Variants in NCALD observed in about 807,000 individuals in gnomAD.
The protein encoded by NCALD is neurocalcin delta, also known as neurocalcin-delta.
A neutral mutation model predicts 18.6 loss-of-function variants in NCALD; 10 were observed. The observed-to-expected ratio is 0.54, with a 90% CI of 0.33 to 0.91. The LOEUF (loss-of-function observed/expected upper bound fraction) is 0.91. Among genes scored for constraint, NCALD ranks in the 40% least tolerant of loss-of-function variants. The probability of loss-of-function intolerance (pLI) is 0.03; values close to 1 mark genes in which losing one functional copy is unlikely to be tolerated. For missense variants in NCALD, 184 were observed against 247.6 expected (o/e 0.74, Z 1.72); for synonymous variants, 88 against 87.4 (o/e 1.01, Z -0.04).
chr8:101,988,017 T>C (rs2131969323), intron 2 of NCALD, among the ~76,000 whole-genome samples: 1 of 151,332 alleles, frequency 6.6e-6, no homozygotes, highest in East Asian at 1.9e-4. Flanking sequence ...TAGCCGGGCG[T>C]AGTGGCGGGC....
intron 1 of NCALD, among the ~76,000 whole-genome samples, chr8:102,072,478 G>A (rs1824209384): frequency 6.6e-6 from 1 of 152,132 alleles, no homozygotes. Flanking sequence ...TTCCAAAAAT[G>A]ACAGTATCAT....
chr8:101,693,381 C>G (rs540963865), intron 2 of NCALD: 1 of 127,460 alleles, frequency 7.8e-6, no homozygotes, highest in East Asian at 2.5e-4. Context: ...TTATGTTGCC[C>G]AAGCTGGTCT....
intron 1 of NCALD, among the ~76,000 whole-genome samples, chr8:101,727,390 A>C (rs7821303): frequency 0.037 from 5,591 of 152,206 alleles, 177 homozygotes; most frequent in East Asian, 0.12. Context: ...CTTTTCACTC[A>C]TCTTCCCACT....
chr8:102,024,414 T>C (rs932409810), intron 1 of NCALD, among the ~76,000 whole-genome samples: 2 of 152,232 alleles, frequency 1.3e-5, no homozygotes, highest in African/African-American at 4.8e-5. Context: ...CCAGGAAACA[T>C]GAACTAATCA....
intron 4 of NCALD, among the ~76,000 whole-genome samples, chr8:101,844,911 T>C (rs751252897): frequency 2.0e-5 from 3 of 152,236 alleles, no homozygotes; most frequent in Non-Finnish European, 4.4e-5. Flanking sequence ...TCCCATCTGA[T>C]ACTGCCATTT....
At chr8:101,884,504 G>A (rs558217071) in intron 4 of NCALD, among the ~76,000 whole-genome samples, 39 of 152,174 alleles carry the variant, frequency 2.6e-4, no homozygotes, top group African/African-American at 8.2e-4. Context: ...ATGTAAGTCC[G>A]TGTTATACCA....
upstream of NCALD, among the ~76,000 whole-genome samples, chr8:101,794,208 T>G (rs558522818): frequency 6.6e-6 from 1 of 152,356 alleles, no homozygotes; most frequent in South Asian, 2.1e-4. Flanking sequence ...TGTCTGACTC[T>G]GATAAGCCTA....
chr8:101,901,247 G>T (rs546235133), intron 3 of NCALD, among the ~76,000 whole-genome samples: 15 of 151,358 alleles, frequency 9.9e-5, no homozygotes, highest in African/African-American at 3.6e-4. Flanking sequence ...TATCTGACAG[G>T]AATTTCCTAT....
At chr8:101,969,153 C>A (rs1274306774) in intron 2 of NCALD, among the ~76,000 whole-genome samples, 1 of 152,198 alleles carries the variant, frequency 6.6e-6, no homozygotes, top group East Asian at 1.9e-4. Flanking sequence ...ACATACAGAA[C>A]CATTTGTTCC....
chr8:101,808,930 A>T (rs1813207366), intron 4 of NCALD, among the ~76,000 whole-genome samples: 1 of 152,148 alleles, frequency 6.6e-6, no homozygotes, highest in Non-Finnish European at 1.5e-5. Context: ...AGAGACATAA[A>T]GAGGGAGATT....
At chr8:101,967,884 C>T (rs955190833) in intron 2 of NCALD, among the ~76,000 whole-genome samples, 1 of 152,044 alleles carries the variant, frequency 6.6e-6, no homozygotes, top group Non-Finnish European at 1.5e-5. Flanking sequence ...CACCCTCAGT[C>T]ATTTCATGCC....
chr8:101,743,627 C>G (rs1264717974), intron 1 of NCALD, among the ~76,000 whole-genome samples: 1 of 152,162 alleles, frequency 6.6e-6, no homozygotes, highest in Non-Finnish European at 1.5e-5. Flanking sequence ...CCCTGGACTA[C>G]CTCAAATAAC....
chr8:101,942,199 G>T (rs1245786659), intron 2 of NCALD, among the ~76,000 whole-genome samples: 1 of 152,108 alleles, frequency 6.6e-6, no homozygotes, highest in Non-Finnish European at 1.5e-5. Context: ...GACTGCACTT[G>T]GTAACCCATA....
intron 1 of NCALD, among the ~76,000 whole-genome samples, chr8:102,025,892 C>T (rs760521084): frequency 1.3e-5 from 2 of 152,166 alleles, no homozygotes; most frequent in Non-Finnish European, 2.9e-5. Context: ...GTTTAATTGA[C>T]TCACATTTCC....
intron 3 of NCALD, among the ~76,000 whole-genome samples, chr8:101,891,550 C>T (rs1008450775): frequency 3.9e-5 from 6 of 152,194 alleles, no homozygotes; most frequent in Non-Finnish European, 8.8e-5. Context: ...CTACAGCTCC[C>T]AGCGTGAGCG....
intron 2 of NCALD, among the ~76,000 whole-genome samples, chr8:101,718,309 T>C (rs1184683580): frequency 6.6e-6 from 1 of 152,234 alleles, no homozygotes; most frequent in Non-Finnish European, 1.5e-5. Context: ...TTCCTTTTAA[T>C]GATCACTTTT....
At chr8:101,901,099 A>C (rs548458189) in intron 3 of NCALD, among the ~76,000 whole-genome samples, 185 of 152,056 alleles carry the variant, frequency 1.2e-3, no homozygotes, top group African/African-American at 4.2e-3. Flanking sequence ...ATTATATAAT[A>C]TCTCTCTCTG....
chr8:101,870,904 C>T (rs190890838), intron 4 of NCALD, among the ~76,000 whole-genome samples: 3 of 82,732 alleles, frequency 3.6e-5, no homozygotes, highest in Non-Finnish European at 6.8e-5. Flanking sequence ...CCCACCCCCC[C>T]CCCCCAAAAA....
chr8:101,692,475 C>T, intron 3 of NCALD: 2 of 985,460 alleles, frequency 2.0e-6, no homozygotes, highest in Non-Finnish European at 2.4e-6. Context: ...TAGCCTAGGC[C>T]TGTCCCAAGG....
Sources: gnomAD v4.1 joint callset for allele counts (sites outside exome capture counted in the v4.1 genomes callset) on GRCh38, gnomAD v4.1.1 for gene constraint, MANE v1.5 for transcripts, NCBI Gene and HGNC (gene_info 2026-07-23, HGNC 2026-07-21) for gene names.